ART1: variants seen among roughly 807,000 people sequenced by gnomAD.
ART1 encodes the protein ADP-ribosyltransferase 1, also known as GPI-linked NAD(P)(+)--arginine ADP-ribosyltransferase 1.
A neutral mutation model predicts 27.0 loss-of-function variants in ART1; 29 were observed. That is an observed-to-expected ratio of 1.08 (90% confidence interval 0.80 to 1.47). ART1 has a LOEUF of 1.47. Among genes scored for constraint, ART1 ranks in the 40% most tolerant of loss-of-function variants. The pLI is 0.00. For synonymous variants in ART1, 201 were observed against 172.2 expected (o/e 1.17, Z -1.31); for missense variants, 480 against 423.0 (o/e 1.13, Z -1.18).
chr11:3,650,306 G>A (rs1434609003), intron 1 of ART1, among the ~76,000 whole-genome samples: 1 of 152,162 alleles, frequency 6.6e-6, no homozygotes, highest in Non-Finnish European at 1.5e-5. Flanking sequence ...CTGAAAATCG[G>A]ACTGTTCAAC....
At chr11:3,647,164 A>C (rs2077474797) in intron 1 of ART1, among the ~76,000 whole-genome samples, 1 of 152,082 alleles carries the variant, frequency 6.6e-6, no homozygotes, top group African/African-American at 2.4e-5. Flanking sequence ...TTTCTACTAA[A>C]AATATAAAAT....
chr11:3,650,941 G>T (rs1304349401), intron 1 of ART1, among the ~76,000 whole-genome samples: 1 of 149,536 alleles, frequency 6.7e-6, no homozygotes, highest in Non-Finnish European at 1.5e-5. Flanking sequence ...CCATCCCACA[G>T]CATGCTTTGA....
At chr11:3,653,693 T>A (rs973058729) in intron 1 of ART1, among the ~76,000 whole-genome samples, 1 of 152,150 alleles carries the variant, frequency 6.6e-6, no homozygotes, top group Admixed American at 6.5e-5. Context: ...GTGTTTCTAG[T>A]TTAAAGAATG....
chr11:3,655,717 C>T (rs541553436), intron 1 of ART1: 1 of 152,294 alleles, frequency 6.6e-6, no homozygotes, highest in Admixed American at 6.5e-5. Flanking sequence ...GATTGGCCTT[C>T]TTGGGTCATG....
Position 3,659,172 on chromosome 11 carries a change from T to C in ART1, c.-42T>C. ...ACTGCAATTTTCCAGATGAGGAAAC[T>C]GAGACCCAAAAAGAGACAGCAACTG... On this transcript the variant is annotated 5_prime_UTR_variant, in exon 2 of 5. Coordinates refer to ENST00000250693, the MANE Select transcript of ART1 (RefSeq NM_004314.3). 1.2e-6 allele frequency: 2 copies of C among 1,602,452 alleles called. No homozygotes were observed. The highest frequency in any genetic ancestry group is 1.7e-6 in the Non-Finnish European group (2 of 1,169,802).
chr11:3,661,273 C>T, intron 3 of ART1, 99 bp from the exon 4 acceptor site: 1 of 1,130,982 alleles, frequency 8.8e-7, no homozygotes, highest in Non-Finnish European at 1.3e-6. Context: ...GCACCAACTT[C>T]TCCTAGAACA....
intron 4 of ART1, among the ~76,000 whole-genome samples, chr11:3,663,084 ATC>A (rs1564787006): frequency 1.3e-5 from 1 of 77,788 alleles, no homozygotes; most frequent in Non-Finnish European, 2.5e-5. Context: ...TCATCATCTC[ATC>A]TCATCATCTC....
chr11:3,648,247 T>C (rs2077486025), intron 1 of ART1, among the ~76,000 whole-genome samples: 1 of 152,158 alleles, frequency 6.6e-6, no homozygotes. Context: ...CCCAGGTGAT[T>C]AAAAGCTTTA....
chr11:3,657,405 C>T (rs985179943), intron 1 of ART1, among the ~76,000 whole-genome samples: 3 of 152,052 alleles, frequency 2.0e-5, no homozygotes, highest in African/African-American at 7.2e-5. Context: ...CAAAACCCCA[C>T]CTCTACAAAA....
At chr11:3,649,801 C>T (rs947533742) in intron 1 of ART1, among the ~76,000 whole-genome samples, 23 of 152,308 alleles carry the variant, frequency 1.5e-4, no homozygotes, top group African/African-American at 3.1e-4. Context: ...CGACCTCTCC[C>T]GAATCAGAGC....
At chr11:3,649,327 C>T (rs61878509) in intron 1 of ART1, among the ~76,000 whole-genome samples, 10,164 of 152,238 alleles carry the variant, frequency 0.067, 389 homozygotes, top group Non-Finnish European at 0.091. Flanking sequence ...AGCCAGAAAA[C>T]GGCACTTTCA....
At chr11:3,662,535 A>G (rs993749910) in intron 4 of ART1, among the ~76,000 whole-genome samples, 5 of 152,234 alleles carry the variant, frequency 3.3e-5, no homozygotes, top group African/African-American at 1.2e-4. Flanking sequence ...TGCAGATGAA[A>G]GTACCAAAGC....
At position 3,660,340 on chromosome 11, in the gene ART1, C is replaced by A. The variant is rs756598197; in HGVS notation, c.821C>A (p.Thr274Asn). The part of the protein sequence containing the change: ...IYLRALGKHS[T>N]YNCEYIKDKK... ...CTCCGAGCCCTGGGCAAGCACAGCA[C>A]CTACAACTGCGAGTACATCAAAGGT... The change falls in exon 3 of 5, where the codon ACC becomes AAC. Residue 274 changes from threonine (T) to asparagine (N), a missense_variant. Physicochemically the swap from Thr to Asn is moderately conservative, Grantham distance 65. Coordinates refer to ENST00000250693, the MANE Select transcript of ART1 (RefSeq NM_004314.3). The A allele has an allele frequency of 1.9e-6, 3 of 1,603,152 alleles. No individual in the cohort carries two copies. The African/African-American group carries it at 4.0e-5, about 21-fold the overall frequency.
chr11:3,661,465 C>G (rs1324361330), intron 4 of ART1, 52 bp downstream of exon 4: 8 of 1,081,988 alleles, frequency 7.4e-6, no homozygotes, highest in Non-Finnish European at 1.1e-5. Context: ...GCAGGCTGCT[C>G]TGGGGTTGGC....
intron 4 of ART1, 99 bp from the exon 5 acceptor site, chr11:3,663,993 C>T: frequency 3.7e-6 from 4 of 1,094,750 alleles, no homozygotes; most frequent in Non-Finnish European, 5.3e-6. Flanking sequence ...CCAATCTCTC[C>T]ACCTTGTATC....
At chr11:3,661,265 A>T in intron 3 of ART1, 107 bp from the exon 4 acceptor site, 1 of 1,036,116 alleles carries the variant, frequency 9.7e-7, no homozygotes, top group Non-Finnish European at 1.4e-6. Flanking sequence ...GGGGAAATGC[A>T]CCAACTTCTC....
intron 1 of ART1, among the ~76,000 whole-genome samples, chr11:3,647,843 AAAAGT>A (rs1486248271): frequency 6.6e-6 from 1 of 152,074 alleles, no homozygotes; most frequent in African/African-American, 2.4e-5. Flanking sequence ...TGAAAAAAAA[AAAAGT>A]AAAGTTGCAC....
At chr11:3,652,673 C>G (rs1050933413) in intron 1 of ART1, among the ~76,000 whole-genome samples, 1 of 151,900 alleles carries the variant, frequency 6.6e-6, no homozygotes, top group African/African-American at 2.4e-5. Context: ...CTTGTCATCC[C>G]TACTATCTTC....
chr11:3,649,104 A>G (rs1280804920), intron 1 of ART1, among the ~76,000 whole-genome samples: 2 of 151,810 alleles, frequency 1.3e-5, no homozygotes, highest in Admixed American at 1.3e-4. Flanking sequence ...AGAACCCCTG[A>G]ACCCCTTCCC....
Sources: gnomAD v4.1 joint callset for allele counts (sites outside exome capture counted in the v4.1 genomes callset) on GRCh38, gnomAD v4.1.1 for gene constraint, MANE v1.5 for transcripts, NCBI Gene and HGNC (gene_info 2026-07-23, HGNC 2026-07-21) for gene names.